The following MROH9 variants were observed in gnomAD, a reference collection of about 807,000 sequenced individuals.
The protein encoded by MROH9 is maestro heat-like repeat-containing protein family member 9.
MROH9 carries 92 observed loss-of-function variants against 98.2 expected under a neutral mutation model. The observed-to-expected ratio is 0.94, with a 90% CI of 0.79 to 1.11. The LOEUF (loss-of-function observed/expected upper bound fraction) is 1.11. MROH9 is among the 50% of genes most tolerant of loss of function. The pLI is 0.00. For synonymous variants in MROH9, 397 were observed against 368.9 expected, an observed-to-expected ratio of 1.08 and a Z score of -0.87; for missense variants, 1,057 against 1,014.8, an observed-to-expected ratio of 1.04 and a Z score of -0.57.
At chr1:170,957,200 C>T (rs770716025) in intron 3 of MROH9, among the ~76,000 whole-genome samples, 19 of 151,996 alleles carry the variant, frequency 1.3e-4, no homozygotes, top group South Asian at 1.0e-3. Context: ...TTTAATTTTG[C>T]TTTTGTTGCC....
intron 17 of MROH9, among the ~76,000 whole-genome samples, chr1:171,023,555 T>C (rs1351461353): frequency 1.3e-5 from 2 of 152,212 alleles, no homozygotes; most frequent in East Asian, 1.9e-4. Flanking sequence ...ACAGTTTTTT[T>C]AATGCAATCT....
chr1:170,983,376 CAAGTGATCAAAT>C, intron 8 of MROH9, 34 bp from the exon 9 acceptor site: 1 of 1,351,244 alleles, frequency 7.4e-7, no homozygotes, highest in Non-Finnish European at 1.1e-6. Flanking sequence ...ATAGAACAAA[CAAGTGATCAAAT>C]AACAACCTGA....
At chr1:170,983,645 A>T (rs1651018454) in intron 9 of MROH9, 111 bp downstream of exon 9, 1 of 648,528 alleles carries the variant, frequency 1.5e-6, no homozygotes. Flanking sequence ...GTTTTTTTTT[A>T]AACTCAGTGT....
rs533060146 is a variant in MROH9 at position 170,994,717 on chromosome 1, C to T, written c.1195-672C>T. Among the ~76,000 whole-genome samples, 12 of 152,112 alleles carry T rather than the reference C, an allele frequency of 7.9e-5. No homozygotes were observed. The South Asian group carries it at 1.7e-3, about 21-fold the overall frequency. On this transcript the variant is annotated intron_variant, in intron 12 of 21. Transcript: ENST00000367759. Reference sequence around the variant, plus strand: ...TTCTTTCTAACTATTGTTTTATGCCCATTAACCATCCCCACCTCCCCCATC... The same window carrying T: ...TTCTTTCTAACTATTGTTTTATGCCTATTAACCATCCCCACCTCCCCCATC...
intron 20 of MROH9, among the ~76,000 whole-genome samples, chr1:171,054,147 G>C (rs984808030): frequency 2.6e-5 from 4 of 152,096 alleles, no homozygotes; most frequent in African/African-American, 9.7e-5. Flanking sequence ...AGATCAATTG[G>C]ATTTCTATAC....
chr1:170,987,802 A>T (rs1365608460), intron 10 of MROH9, among the ~76,000 whole-genome samples: 2 of 152,228 alleles, frequency 1.3e-5, no homozygotes, highest in Non-Finnish European at 2.9e-5. Flanking sequence ...TCCTACCAAC[A>T]TTCTCTACCT....
At chr1:171,013,874 TACACAC>T (rs34557125) in intron 15 of MROH9, among the ~76,000 whole-genome samples, 16,426 of 143,940 alleles carry the variant, frequency 0.11, 947 homozygotes, top group Middle Eastern at 0.18. Context: ...GTAAAATACA[TACACAC>T]ACACACACAC....
chr1:170,989,362 G>C (rs539972384), intron 10 of MROH9, among the ~76,000 whole-genome samples: 8 of 152,276 alleles, frequency 5.3e-5, no homozygotes, highest in Non-Finnish European at 1.2e-4. Flanking sequence ...TGGGACCTAC[G>C]AGTAGAGTTT....
chr1:170,957,047 T>A (rs1649793150), intron 3 of MROH9, among the ~76,000 whole-genome samples: 1 of 149,298 alleles, frequency 6.7e-6, no homozygotes, highest in Non-Finnish European at 1.5e-5. Flanking sequence ...GAATCATGAG[T>A]TTCTTATACA....
intron 8 of MROH9, among the ~76,000 whole-genome samples, chr1:170,980,515 G>T (rs558727653): frequency 6.6e-6 from 1 of 152,086 alleles, no homozygotes; most frequent in East Asian, 1.9e-4. Flanking sequence ...AACAAACAAT[G>T]GGGAAAGAAT....
At chr1:171,006,821 AT>A (rs11452080) in intron 15 of MROH9, among the ~76,000 whole-genome samples, 19 of 148,154 alleles carry the variant, frequency 1.3e-4, no homozygotes, top group South Asian at 4.2e-4. Flanking sequence ...CTGTTTTGTT[AT>A]TTTTTTTTTA....
chr1:170,970,322 G>C (rs892770686), intron 7 of MROH9, among the ~76,000 whole-genome samples: 1 of 151,970 alleles, frequency 6.6e-6, no homozygotes, highest in Admixed American at 6.5e-5. Flanking sequence ...CCAGTAGAGA[G>C]AGAAAACTTG....
chr1:171,018,344 G>A (rs1164089303), intron 17 of MROH9, among the ~76,000 whole-genome samples: 2 of 150,422 alleles, frequency 1.3e-5, no homozygotes, highest in Non-Finnish European at 3.0e-5. Context: ...GAAACAGAAA[G>A]CAACAACAGC....
chr1:171,007,670 C>T (rs1178460099), intron 15 of MROH9, among the ~76,000 whole-genome samples: 1 of 152,190 alleles, frequency 6.6e-6, no homozygotes, highest in Admixed American at 6.5e-5. Context: ...CACATATAGG[C>T]TTCTTTTGGC....
At chr1:170,937,968 T>C (rs1317431156) in intron 1 of MROH9, among the ~76,000 whole-genome samples, 1 of 152,094 alleles carries the variant, frequency 6.6e-6, no homozygotes, top group East Asian at 1.9e-4. Flanking sequence ...CTGCACTGGG[T>C]GGTTGTAGTT....
chr1:171,015,612 C>G lies in MROH9; in HGVS notation c.1735-551C>G, dbSNP rs142142703. Reference sequence around the variant, plus strand: ...TCTGTTTGGTTCTGATCTGCATTGACTCCCATGACCTGCCTGAGTGTCTCA... The same window carrying G: ...TCTGTTTGGTTCTGATCTGCATTGAGTCCCATGACCTGCCTGAGTGTCTCA... On this transcript the variant is annotated intron_variant, in intron 16 of 21. Transcript: ENST00000367759. 3.1e-3 allele frequency among the ~76,000 whole-genome samples: 476 copies of G among 151,936 alleles called. 1 individual carries two copies. The highest frequency in any genetic ancestry group is 0.011 in the African/African-American group (447 of 41,274).
At chr1:170,976,760 G>C (rs564268802) in intron 8 of MROH9, among the ~76,000 whole-genome samples, 1 of 152,216 alleles carries the variant, frequency 6.6e-6, no homozygotes, top group South Asian at 2.1e-4. Context: ...TGTATTTCCT[G>C]AATTTGACTG....
intron 6 of MROH9, among the ~76,000 whole-genome samples, chr1:170,964,395 A>G (rs1650147720): frequency 6.6e-6 from 1 of 152,068 alleles, no homozygotes; most frequent in Admixed American, 6.6e-5. Context: ...CTTTCACCTT[A>G]GGAAATAGAC....
chr1:170,962,017 C>A, intron 6 of MROH9, 41 bp downstream of exon 6: 2 of 1,074,512 alleles, frequency 1.9e-6, no homozygotes, highest in South Asian at 1.6e-5. Flanking sequence ...TGTCATAAGT[C>A]TAGTATGCTC....
Sources: allele counts gnomAD v4.1 joint callset (sites outside exome capture counted in the v4.1 genomes callset), GRCh38; gene constraint gnomAD v4.1.1; transcripts MANE v1.5; gene names NCBI Gene and HGNC (gene_info 2026-07-23, HGNC 2026-07-21).